The following ATP11C variants were observed in gnomAD, a reference collection of about 807,000 sequenced individuals.
ATP11C encodes the protein ATPase phospholipid transporting 11C (ATP11C blood group), also known as phospholipid-transporting ATPase IG.
In ATP11C, 36 loss-of-function variants were observed where a neutral mutation model predicts 97.4. That is an observed-to-expected ratio of 0.37 (90% confidence interval 0.28 to 0.49). ATP11C has a LOEUF of 0.49. Among genes scored for constraint, ATP11C ranks in the 20% least tolerant of loss-of-function variants. The pLI is 0.98. For missense variants in ATP11C, 730 were observed against 824.6 expected, an observed-to-expected ratio of 0.89 and a Z score of 1.40; for synonymous variants, 275 against 290.9, an observed-to-expected ratio of 0.95 and a Z score of 0.56.
At chrX:139,857,631 T>C (rs750194225) in intron 1 of ATP11C, among the ~76,000 whole-genome samples, 20 of 111,075 alleles carry the variant, frequency 1.8e-4, no homozygotes, top group South Asian at 7.7e-4. Context: ...CCCTACCCAA[T>C]AGGGGAACAA....
intron 1 of ATP11C, among the ~76,000 whole-genome samples, chrX:139,886,516 G>A: frequency 1.9e-5 from 2 of 103,729 alleles, no homozygotes; most frequent in Middle Eastern, 5.0e-3. Flanking sequence ...TTGATTGCTT[G>A]AACCCGGGAA....
At chrX:139,924,027 C>A in intron 1 of ATP11C, 1 of 283,891 alleles carries the variant, frequency 3.5e-6, no homozygotes. Context: ...AATTGTGTTA[C>A]CCAAAAGGTA....
At position 139,797,259 on chromosome X, in the gene ATP11C, G is replaced by A. The variant is rs1377554996; in HGVS notation, c.925C>T (p.Leu309=). ...GGGGTACTTTGCCAAACATACTTTA[G>A]AGTAGTGCATACTGCAGCTTTGGTC... ...LLTKAAVCTT[L]KYVWQSTPYN... is the part of the protein sequence containing the mutation. The change falls in exon 11 of 30, where the codon CTA becomes TTA. Residue 309 remains leucine (L), a synonymous_variant. Transcript: ENST00000682941. 5 of 1,188,610 alleles carry A rather than the reference G, an allele frequency of 4.2e-6. No individual in the cohort carries two copies. The highest frequency in any genetic ancestry group is 2.2e-5 in the Admixed American group (1 of 44,569).
At chrX:139,869,187 T>C (rs2084331144) in intron 1 of ATP11C, among the ~76,000 whole-genome samples, 1 of 112,149 alleles carries the variant, frequency 8.9e-6, no homozygotes, top group Admixed American at 9.5e-5. Flanking sequence ...ATTGAAGCAG[T>C]ATTCACAACA....
chrX:139,888,360 T>C (rs1468226845), intron 1 of ATP11C, among the ~76,000 whole-genome samples: 3 of 110,573 alleles, frequency 2.7e-5, no homozygotes, highest in Admixed American at 9.7e-5. Context: ...CTCGAACTCC[T>C]GACCTCAAGT....
At chrX:139,934,691 T>A (rs999346113), upstream of ATP11C, among the ~76,000 whole-genome samples, 4 of 108,823 alleles carry the variant, frequency 3.7e-5, no homozygotes, top group Admixed American at 3.9e-4. Context: ...TAGCTGGGAT[T>A]ACAGATGCCT....
At chrX:139,760,387 G>C (rs936886376) in intron 22 of ATP11C, among the ~76,000 whole-genome samples, 25 of 111,885 alleles carry the variant, frequency 2.2e-4, no homozygotes, top group Non-Finnish European at 3.8e-4. Flanking sequence ...GAAAATTTGT[G>C]AAACTGGGTT....
intron 1 of ATP11C, among the ~76,000 whole-genome samples, chrX:139,880,659 TGGG>T (rs2084547072): frequency 9.0e-6 from 1 of 111,608 alleles, no homozygotes; most frequent in African/African-American, 3.3e-5. Flanking sequence ...GAAGAGCTAT[TGGG>T]TCAGATTCCC....
At chrX:139,774,328 C>T (rs2082308283) in intron 19 of ATP11C, among the ~76,000 whole-genome samples, 1 of 111,977 alleles carries the variant, frequency 8.9e-6, no homozygotes, top group Admixed American at 9.4e-5. Context: ...TGAAAATTGT[C>T]ATAAAGATTG....
chrX:139,798,153 C>T, intron 10 of ATP11C, 120 bp downstream of exon 10: 1 of 600,731 alleles, frequency 1.7e-6, no homozygotes, highest in African/African-American at 2.3e-5. Context: ...TAAACAAGTG[C>T]TTAAAATTGT....
At chrX:139,931,007 A>G (rs1179798826) in intron 1 of ATP11C, among the ~76,000 whole-genome samples, 1 of 112,274 alleles carries the variant, frequency 8.9e-6, no homozygotes, top group African/African-American at 3.2e-5. Context: ...TCCTAACTAC[A>G]GAAAAATCAA....
chrX:139,839,680 G>A (rs1281578142), intron 1 of ATP11C, among the ~76,000 whole-genome samples: 1 of 111,517 alleles, frequency 9.0e-6, no homozygotes, highest in South Asian at 3.8e-4. Context: ...ACAACCATGT[G>A]CAACACAAAC....
At chrX:139,898,701 C>T (rs890734715) in intron 1 of ATP11C, among the ~76,000 whole-genome samples, 7 of 111,826 alleles carry the variant, frequency 6.3e-5, no homozygotes, top group Admixed American at 2.9e-4. Context: ...TGAAACATGT[C>T]AACTGCATAC....
intron 24 of ATP11C, among the ~76,000 whole-genome samples, chrX:139,747,344 AG>A (rs2081710613): frequency 9.0e-6 from 1 of 111,709 alleles, no homozygotes; most frequent in Non-Finnish European, 1.9e-5. Flanking sequence ...GAGCAGGAGC[AG>A]CATGATATGT....
At chrX:139,864,201 T>C (rs943662814) in intron 1 of ATP11C, among the ~76,000 whole-genome samples, 1 of 112,507 alleles carries the variant, frequency 8.9e-6, no homozygotes, top group Non-Finnish European at 1.9e-5. Flanking sequence ...TAAATCAGTA[T>C]GTATAATATA....
intron 12 of ATP11C, among the ~76,000 whole-genome samples, chrX:139,792,794 C>A (rs912726214): frequency 2.7e-5 from 3 of 112,201 alleles, no homozygotes; most frequent in Non-Finnish European, 5.6e-5. Flanking sequence ...AAGCTAAACA[C>A]CCTTTCCCCT....
chrX:139,886,233 T>C (rs1425390519), intron 1 of ATP11C, among the ~76,000 whole-genome samples: 1 of 110,468 alleles, frequency 9.1e-6, no homozygotes, highest in Non-Finnish European at 1.9e-5. Flanking sequence ...CTTGCCTTGC[T>C]ATAAAAAAAA....
At chrX:139,887,228 T>A (rs928766099) in intron 1 of ATP11C, among the ~76,000 whole-genome samples, 1 of 112,237 alleles carries the variant, frequency 8.9e-6, no homozygotes, top group Non-Finnish European at 1.9e-5. Flanking sequence ...TAGACTGAAA[T>A]GTAAACCCTA....
Position 139,800,049 on chromosome X carries a change from A to G in ATP11C, c.710+11T>C, listed in dbSNP as rs1224778610. 6 of 790,175 alleles carry G rather than the reference A, an allele frequency of 7.6e-6. No individual in the cohort carries two copies. Among genetic ancestry groups the G allele is most frequent in the Non-Finnish European group, 1.0e-5 (6 of 572,207 alleles). 65.1% of individuals were successfully genotyped at this position (790,175 alleles called of 1,213,427 possible). On this transcript the variant is annotated intron_variant, in intron 8 of 29. Transcript: ENST00000682941. ...CAACCAAAGGACAAATTAAAGAAAC[A>G]GCAAACTTACCTGGCAACAGCCTCA...
Sources: gnomAD v4.1 joint callset for allele counts (sites outside exome capture counted in the v4.1 genomes callset) on GRCh38, gnomAD v4.1.1 for gene constraint, MANE v1.5 for transcripts, NCBI Gene and HGNC (gene_info 2026-07-23, HGNC 2026-07-21) for gene names.